RALA: variants seen among roughly 807,000 people sequenced by gnomAD.
The protein encoded by RALA is ras-related protein Ral-A.
RALA carries 5 observed loss-of-function variants against 24.0 expected under a neutral mutation model. That is an observed-to-expected ratio of 0.21 (90% CI 0.11 to 0.44). RALA has a LOEUF of 0.44. Among genes scored for constraint, RALA ranks in the 20% least tolerant of loss-of-function variants. RALA has a pLI of 0.99. For synonymous variants in RALA, 77 were observed against 83.8 expected (o/e 0.92, Z 0.44); for missense variants, 95 against 241.2 (o/e 0.39, Z 4.01).
intron 1 of RALA, among the ~76,000 whole-genome samples, chr7:39,627,207 G>A (rs1791506718): frequency 6.6e-6 from 1 of 151,806 alleles, no homozygotes; most frequent in Admixed American, 6.6e-5. Flanking sequence ...AAGGATTTGG[G>A]TTGCCGTATA....
intron 1 of RALA, among the ~76,000 whole-genome samples, chr7:39,684,997 A>G (rs1792673326): frequency 6.6e-6 from 1 of 152,192 alleles, no homozygotes; most frequent in Non-Finnish European, 1.5e-5. Context: ...CTGGTATACT[A>G]GAGGAATACT....
At chr7:39,677,356 C>A (rs1393218228) in intron 1 of RALA, among the ~76,000 whole-genome samples, 1 of 148,546 alleles carries the variant, frequency 6.7e-6, no homozygotes, top group Non-Finnish European at 1.5e-5. Context: ...TTTCCAATTT[C>A]ATCCATGTCC....
chr7:39,626,530 G>C (rs538072248), intron 1 of RALA, among the ~76,000 whole-genome samples: 3 of 152,306 alleles, frequency 2.0e-5, no homozygotes, highest in Admixed American at 6.5e-5. Flanking sequence ...GCCTGGGGTT[G>C]CCAGCAGTCC....
At chr7:39,667,215 A>G (rs1792299459) in intron 1 of RALA, among the ~76,000 whole-genome samples, 1 of 152,166 alleles carries the variant, frequency 6.6e-6, no homozygotes. Context: ...AATTTTTTTT[A>G]TACTTTCTAA....
At chr7:39,662,393 A>G (rs1265015573) in intron 1 of RALA, among the ~76,000 whole-genome samples, 1 of 152,118 alleles carries the variant, frequency 6.6e-6, no homozygotes, top group African/African-American at 2.4e-5. Context: ...TCAGGCTGCA[A>G]ATTTGTCAAA....
At position 39,623,585 on chromosome 7, in the gene RALA, CAG is replaced by C. The variant is rs1791411907; in HGVS notation, c.-275_-274del. 1 of 152,636 alleles carries C rather than the reference CAG, an allele frequency of 6.6e-6. No homozygotes were observed. Among genetic ancestry groups the C allele is most frequent in the Admixed American group, 6.5e-5 (1 of 15,290 alleles). The allele number at this position is 152,636 out of a possible 1,614,324, so 9.5% of individuals were successfully genotyped here. A position where few individuals can be genotyped will look rare whatever the true frequency, so the allele number is the denominator to read the frequency against. Reference sequence around the variant, plus strand: ...CGGAAGTGATCTGTGGCGGCTGCTGCAGAGCCGCCAGGAGGAGGGTGGATCTC... The same window carrying C: ...CGGAAGTGATCTGTGGCGGCTGCTGCAGCCGCCAGGAGGAGGGTGGATCTC... On this transcript the variant is annotated 5_prime_UTR_variant, in exon 1 of 5. Coordinates refer to ENST00000005257, the MANE Select transcript of RALA (RefSeq NM_005402.4). The surrounding 1 kb of genome is among the most constrained non-coding windows in gnomAD (Gnocchi z 4.9).
chr7:39,670,448 A>C (rs76877962), intron 1 of RALA, among the ~76,000 whole-genome samples: 2,646 of 152,302 alleles, frequency 0.017, 33 homozygotes, highest in Non-Finnish European at 0.03. Flanking sequence ...TGCTCAGCTG[A>C]ACATTATTTC....
intron 1 of RALA, among the ~76,000 whole-genome samples, chr7:39,647,095 T>C (rs1276302722): frequency 6.6e-6 from 1 of 152,108 alleles, no homozygotes; most frequent in Non-Finnish European, 1.5e-5. Context: ...CAGGCTGGAG[T>C]GCAGTGGCAC....
At chr7:39,648,415 CTT>C (rs796989849) in intron 1 of RALA, among the ~76,000 whole-genome samples, 3 of 144,668 alleles carry the variant, frequency 2.1e-5, no homozygotes, top group African/African-American at 5.0e-5. Context: ...AACTTAATAG[CTT>C]TTTTTTTTTT....
chr7:39,690,707 G>A, intron 3 of RALA, 117 bp downstream of exon 3: 1 of 779,766 alleles, frequency 1.3e-6, no homozygotes. Flanking sequence ...CTCTAATTGT[G>A]TTTATTCCCT....
At chr7:39,638,027 A>G (rs1186124994) in intron 1 of RALA, among the ~76,000 whole-genome samples, 1 of 152,182 alleles carries the variant, frequency 6.6e-6, no homozygotes. Context: ...ATCCTCTAAT[A>G]TCTAACCCAG....
At chr7:39,687,129 A>G (rs1792718885) in intron 2 of RALA, among the ~76,000 whole-genome samples, 1 of 152,142 alleles carries the variant, frequency 6.6e-6, no homozygotes, top group South Asian at 2.1e-4. Flanking sequence ...GTTAACATAT[A>G]TAAAATATCT....
chr7:39,648,156 A>T (rs1472736016), intron 1 of RALA, among the ~76,000 whole-genome samples: 2 of 152,174 alleles, frequency 1.3e-5, no homozygotes, highest in Non-Finnish European at 2.9e-5. Context: ...TGTAGGTTTT[A>T]CAGGGGCCCA....
intron 1 of RALA, among the ~76,000 whole-genome samples, chr7:39,647,689 G>A (rs985277323): frequency 6.6e-6 from 1 of 152,098 alleles, no homozygotes; most frequent in Admixed American, 6.5e-5. Context: ...CCTCATGAAT[G>A]GAATTGGTGT....
intron 1 of RALA, among the ~76,000 whole-genome samples, chr7:39,668,930 A>G (rs979913750): frequency 6.7e-6 from 1 of 148,358 alleles, no homozygotes; most frequent in African/African-American, 2.5e-5. Context: ...CCAGGCCGAC[A>G]TGGTGAAACC....
Position 39,706,342 on chromosome 7 carries a change from T to C in RALA, c.*97T>C, listed in dbSNP as rs1181605031. 2.9e-6 allele frequency: 4 copies of C among 1,364,856 alleles called. No individual in the cohort carries two copies. The highest frequency in any genetic ancestry group is 4.0e-6 in the Non-Finnish European group (4 of 999,300). The allele number at this position is 1,364,856 out of a possible 1,614,324, so 84.5% of individuals were successfully genotyped here. ...TTAATTGACTGAAATTACTTTAACATTTTGGAAATTGTTGTATATCACTAA... is the reference window on the plus strand; with the variant it reads ...TTAATTGACTGAAATTACTTTAACACTTTGGAAATTGTTGTATATCACTAA... On this transcript the variant is annotated 3_prime_UTR_variant, in exon 5 of 5. Transcript: ENST00000005257.
intron 2 of RALA, among the ~76,000 whole-genome samples, chr7:39,688,903 A>G (rs1285096547): frequency 1.3e-5 from 2 of 152,186 alleles, no homozygotes; most frequent in African/African-American, 2.4e-5. Flanking sequence ...GAGACCTGCA[A>G]TTGTGGCAGA....
chr7:39,704,832 C>T (rs563337225), intron 4 of RALA, among the ~76,000 whole-genome samples: 2 of 152,088 alleles, frequency 1.3e-5, no homozygotes, highest in Non-Finnish European at 2.9e-5. Context: ...CCCGCCACCA[C>T]ACCCAGCTAA....
chr7:39,643,408 A>G (rs1158750945), intron 1 of RALA, among the ~76,000 whole-genome samples: 2 of 152,182 alleles, frequency 1.3e-5, no homozygotes, highest in Admixed American at 6.5e-5. Flanking sequence ...GCGGGGGACA[A>G]CTATGCAGGG....
Sources: allele counts gnomAD v4.1 joint callset (sites outside exome capture counted in the v4.1 genomes callset), GRCh38; gene constraint gnomAD v4.1.1; non-coding constraint Gnocchi (gnomAD v3.1); transcripts MANE v1.5; gene names NCBI Gene and HGNC (gene_info 2026-07-23, HGNC 2026-07-21).